TBC1D16: variants seen among roughly 807,000 people sequenced by gnomAD.
TBC1D16 encodes the protein CTD-2529O21.1.
TBC1D16 carries 58 observed loss-of-function variants against 74.7 expected under a neutral mutation model. The observed-to-expected ratio is 0.78, with a 90% CI of 0.63 to 0.97. The LOEUF (loss-of-function observed/expected upper bound fraction) is 0.97, where lower values mean the gene tolerates loss of function less well. Among genes scored for constraint, TBC1D16 ranks in the 50% least tolerant of loss-of-function variants. The probability of loss-of-function intolerance (pLI) is 0.00; values close to 1 mark genes in which losing one functional copy is unlikely to be tolerated. For missense variants in TBC1D16, 1,014 were observed against 1,079.5 expected (o/e 0.94, Z 0.85); for synonymous variants, 493 against 474.7 (o/e 1.04, Z -0.50).
At chr17:80,013,632 AT>A (rs1465285092) in intron 1 of TBC1D16, 23 bp from the exon 2 acceptor site, 67 of 1,384,568 alleles carry the variant, frequency 4.8e-5, no homozygotes, top group Admixed American at 2.6e-4. Context: ...GAGAGAGGAG[AT>A]GGTCAAGGTT....
intron 3 of TBC1D16, among the ~76,000 whole-genome samples, chr17:79,970,374 T>C (rs910997551): frequency 2.6e-5 from 4 of 152,176 alleles, no homozygotes; most frequent in Non-Finnish European, 4.4e-5. Flanking sequence ...GCTTCATGAA[T>C]GTACTAACTG....
At chr17:79,996,436 C>T (rs1234372738) in intron 3 of TBC1D16, among the ~76,000 whole-genome samples, 3 of 152,158 alleles carry the variant, frequency 2.0e-5, no homozygotes, top group Non-Finnish European at 4.4e-5. Flanking sequence ...AATGAGATGT[C>T]ACTACACACC....
At position 80,033,469 on chromosome 17, in the gene TBC1D16, C is replaced by G. The variant is rs543141419; in HGVS notation, c.-63+2326G>C. Among the ~76,000 whole-genome samples the G allele has an allele frequency of 8.5e-5, 13 of 152,072 alleles. No individual in the cohort carries two copies. The South Asian group carries it at 2.7e-3, about 32-fold the overall frequency. On this transcript the variant is annotated intron_variant, in intron 1 of 11. Coordinates refer to ENST00000310924, the MANE Select transcript of TBC1D16 (RefSeq NM_019020.4). The stretch of plus-strand genomic sequence containing the variant: ...CTCACTGCAGCCCTGACCTCCCGGG[C>G]TCAAGCTATCCTCCCACCTCAGCCA...
intron 3 of TBC1D16, among the ~76,000 whole-genome samples, chr17:80,006,853 G>C (rs1322083027): frequency 1.3e-5 from 2 of 152,128 alleles, no homozygotes. Flanking sequence ...TAGAGATGAG[G>C]TTTTGCCATT....
At chr17:79,989,668 A>G (rs1445779538) in intron 3 of TBC1D16, among the ~76,000 whole-genome samples, 1 of 152,242 alleles carries the variant, frequency 6.6e-6, no homozygotes, top group Non-Finnish European at 1.5e-5. Context: ...CCAAAGGCCG[A>G]GAGGCCAAGA....
At chr17:79,974,341 C>T (rs990568522) in intron 3 of TBC1D16, among the ~76,000 whole-genome samples, 1 of 152,072 alleles carries the variant, frequency 6.6e-6, no homozygotes. Flanking sequence ...CGGGTTCAAG[C>T]GATTCTCCTG....
At chr17:79,960,945 CCT>C (rs2033589699) in intron 3 of TBC1D16, among the ~76,000 whole-genome samples, 1 of 152,118 alleles carries the variant, frequency 6.6e-6, no homozygotes, top group African/African-American at 2.4e-5. Context: ...CACACACACC[CCT>C]ACCATATGAC....
intron 3 of TBC1D16, among the ~76,000 whole-genome samples, chr17:79,984,465 G>A (rs116999244): frequency 0.02 from 3,069 of 152,050 alleles, 44 homozygotes; most frequent in Non-Finnish European, 0.029. Context: ...GTGGTGAGCT[G>A]GGTATGGTGG....
At chr17:79,958,635 G>A (rs1025610940) in intron 3 of TBC1D16, among the ~76,000 whole-genome samples, 4 of 152,148 alleles carry the variant, frequency 2.6e-5, no homozygotes, top group Admixed American at 2.6e-4. Context: ...CATAGCCAGA[G>A]GTGCCCACAA....
rs371465351 is a variant in TBC1D16 at position 79,950,549 on chromosome 17, C to T, written c.1119G>A (p.Gln373=). The T allele has an allele frequency of 1.9e-5, 31 of 1,613,048 alleles. No individual in the cohort carries two copies. Among genetic ancestry groups the T allele is most frequent in the Non-Finnish European group, 2.6e-5 (31 of 1,179,870 alleles). ...QQVAPDKTCM[Q]FSIRRPKLPS... ...GCAGCTTGGGGCGGCGGATGGAGAA[C>T]TGCATGCATGTCTTATCGGGGGCGA... Residue 373 remains glutamine (Q), a synonymous_variant, in exon 6 of 12, where the codon CAG becomes CAA. Transcript: ENST00000310924. This position sits in a 1 kb window ranked among gnomAD's most constrained non-coding sequence, Gnocchi z 4.6.
chr17:80,011,248 T>C (rs2035880376), intron 2 of TBC1D16, among the ~76,000 whole-genome samples: 1 of 150,616 alleles, frequency 6.6e-6, no homozygotes, highest in African/African-American at 2.4e-5. Context: ...GGTTTCACTA[T>C]GTTGCCCAGG....
chr17:79,955,509 G>A (rs904936034), intron 3 of TBC1D16, among the ~76,000 whole-genome samples: 2 of 152,196 alleles, frequency 1.3e-5, no homozygotes, highest in African/African-American at 4.8e-5. Flanking sequence ...TATGTACAGT[G>A]TTTTATTTTT....
chr17:79,948,733 T>A, intron 8 of TBC1D16, 139 bp downstream of exon 8: 2 of 1,197,986 alleles, frequency 1.7e-6, no homozygotes. Context: ...TAGCGTATCC[T>A]TCACTTCTGG....
chr17:80,008,907 G>A lies in TBC1D16; in HGVS notation c.779+1253C>T, dbSNP rs746572320. Among the ~76,000 whole-genome samples the A allele has an allele frequency of 6.6e-5, 10 of 152,168 alleles. No homozygotes were observed. The highest frequency in any genetic ancestry group is 2.1e-4 in the South Asian group (1 of 4,826). The stretch of plus-strand genomic sequence containing the variant: ...CTTACTTCATGCCCCACCACTCCCC[G>A]GCTTAATCGGCCTGGGGTGACCTTT... On this transcript the variant is annotated intron_variant, in intron 3 of 11. Coordinates refer to ENST00000310924, the MANE Select transcript of TBC1D16 (RefSeq NM_019020.4). The surrounding 1 kb of genome is among the most constrained non-coding windows in gnomAD (Gnocchi z 4.5).
chr17:79,948,674 T>C (rs532727527), intron 8 of TBC1D16, among the ~76,000 whole-genome samples, 198 bp downstream of exon 8: 2 of 152,096 alleles, frequency 1.3e-5, no homozygotes, highest in East Asian at 3.9e-4. Flanking sequence ...CCTGGGTGGC[T>C]TCCCTGGGAT....
At position 80,010,600 on chromosome 17, in the gene TBC1D16, G is replaced by A. The variant is rs1208113635; in HGVS notation, c.339C>T (p.Gly113=). 1.9e-6 allele frequency: 3 copies of A among 1,587,032 alleles called. No homozygotes were observed. In the African/African-American group the frequency reaches 4.1e-5, roughly 22 times the overall value. The change falls in exon 3 of 12, where the codon GGC becomes GGT. Residue 113 remains glycine, a synonymous_variant. Coordinates refer to ENST00000310924, the MANE Select transcript of TBC1D16 (RefSeq NM_019020.4). The surrounding 1 kb of genome is among the most constrained non-coding windows in gnomAD (Gnocchi z 8.8). Reference sequence around the variant, plus strand: ...AGGCTCCTGAGCTCCGGGTGCGCCGGCCCCGAGGGCGGGGTGCCTTGCGAA... The same window carrying A: ...AGGCTCCTGAGCTCCGGGTGCGCCGACCCCGAGGGCGGGGTGCCTTGCGAA... ...SPVRKAPRPR[G]RRTRSSGASH...
In TBC1D16 at chr17:79,936,498, A is replaced by G. The variant is rs3206576; in HGVS notation, c.*4361T>C. The G allele has an allele frequency of 0.3, 45,321 of 152,258 alleles. 7,023 individuals carry two copies. Among genetic ancestry groups the G allele is most frequent in the East Asian group, 0.42 (2,171 of 5,168 alleles). The allele number at this position is 152,258 out of a possible 1,614,324, so 9.4% of individuals were successfully genotyped here. A position where few individuals can be genotyped will look rare whatever the true frequency, so the allele number is the denominator to read the frequency against. ...GTGGCCTGGGCAGGCAGGCATCATT[A>G]TTCTCATGTTACAGGTGAGGAAACT... On this transcript the variant is annotated 3_prime_UTR_variant, in exon 12 of 12. Transcript: ENST00000310924.
rs963234317 is a variant in TBC1D16, at chr17:79,980,475, C to A, written c.780-27657G>T. 3.3e-5 allele frequency among the ~76,000 whole-genome samples: 5 copies of A among 152,150 alleles called. No homozygotes were observed. The highest frequency in any genetic ancestry group is 1.2e-4 in the African/African-American group (5 of 41,424). ...CCGCTACGTTGTGGGGTGGTGTAAC[C>A]AGGGTTTGTCCAGAAAAAGACACAG... On this transcript the variant is annotated intron_variant, in intron 3 of 11. Transcript: ENST00000310924. The surrounding 1 kb of genome is among the most constrained non-coding windows in gnomAD (Gnocchi z 7.0).
rs1162784039 is a variant in TBC1D16, at chr17:80,008,741, T to C, written c.779+1419A>G. 6.6e-6 allele frequency among the ~76,000 whole-genome samples: 1 copy of C among 152,208 alleles called. No homozygotes were observed. The highest frequency in any genetic ancestry group is 1.5e-5 in the Non-Finnish European group (1 of 68,040). ...CTCAGTTACGGCTCACGGCTTCCTT[T>C]TATCTGCACTCTCCAATAACTGAGA... is the stretch of plus-strand genomic sequence containing the variant. On this transcript the variant is annotated intron_variant, in intron 3 of 11. Transcript: ENST00000310924. The surrounding 1 kb of genome is among the most constrained non-coding windows in gnomAD (Gnocchi z 4.5).
Sources: gnomAD v4.1 joint callset for allele counts (sites outside exome capture counted in the v4.1 genomes callset) on GRCh38, gnomAD v4.1.1 for gene constraint, Gnocchi (gnomAD v3.1) non-coding constraint, MANE v1.5 for transcripts, NCBI Gene and HGNC (gene_info 2026-07-23, HGNC 2026-07-21) for gene names.